Variants in VWCE observed in about 807,000 individuals in gnomAD.
VWCE encodes the protein von Willebrand factor C and EGF domain-containing protein.
Under a neutral mutation model 102.9 loss-of-function variants are expected in VWCE, and 68 were observed. The ratio of observed to expected loss-of-function variants is 0.66; its 90% confidence interval spans 0.54 to 0.81. VWCE has a LOEUF of 0.81. VWCE is among the 30% of genes least tolerant of loss of function. VWCE has a pLI of 0.00. For synonymous variants in VWCE, 497 were observed against 515.4 expected, an observed-to-expected ratio of 0.96 and a Z score of 0.48; for missense variants, 1,137 against 1,263.6, an observed-to-expected ratio of 0.90 and a Z score of 1.52.
intron 18 of VWCE, 77 bp downstream of exon 18, chr11:61,264,879 C>A: frequency 6.7e-7 from 1 of 1,487,692 alleles, no homozygotes; most frequent in South Asian, 1.1e-5. Context: ...CTAAAGGGCT[C>A]CATGTTTTGC....
In VWCE at chr11:61,294,854, C is replaced by T. The variant is rs1415292000; in HGVS notation, c.110+74G>A. 4 of 1,085,156 alleles carry T rather than the reference C, an allele frequency of 3.7e-6. No homozygotes were observed. The highest frequency in any genetic ancestry group is 6.5e-5 in the East Asian group (2 of 30,842). The allele number at this position is 1,085,156 out of a possible 1,614,324, so 67.2% of individuals were successfully genotyped here. Reference sequence around the variant, plus strand: ...CGGCTGCCTGCGGCTCCTGAGCGCCCCTCCGCGCCTCTCGACTGCACGCCG... The same window carrying T: ...CGGCTGCCTGCGGCTCCTGAGCGCCTCTCCGCGCCTCTCGACTGCACGCCG... On this transcript the variant is annotated intron_variant, in intron 1 of 19. Coordinates refer to ENST00000335613, the MANE Select transcript of VWCE (RefSeq NM_152718.2). The surrounding 1 kb of genome is among the most constrained non-coding windows in gnomAD (Gnocchi z 6.3).
chr11:61,276,692 GC>G lies in VWCE; in HGVS notation c.1408-13del. ...GACACGTTTCCAGCCTGAGGAGGAG[GC>G]AAGAGAGGGCACTGGGGGTGCGGGT... On this transcript the variant is annotated splice_polypyrimidine_tract_variant and intron_variant, in intron 10 of 19. Transcript: ENST00000335613. 2 of 1,588,070 alleles carry G rather than the reference GC, an allele frequency of 1.3e-6. No individual in the cohort carries two copies. Among genetic ancestry groups the G allele is most frequent in the Non-Finnish European group, 1.7e-6 (2 of 1,167,630 alleles).
rs746328649 is a variant in VWCE, at chr11:61,274,635, TAAAG to T, written c.1496-55_1496-52del. 2.1e-5 allele frequency: 33 copies of T among 1,573,488 alleles called. No individual in the cohort carries two copies. The East Asian group carries it at 7.4e-4, about 35-fold the overall frequency. On this transcript the variant is annotated intron_variant, in intron 11 of 19. Transcript: ENST00000335613. Reference sequence around the variant, plus strand: ...CTCAAGGTCTTTGGGCAGAGGCAGCTAAAGAAAGGGGGGAACAAATGGGTAGGGA... The same window carrying T: ...CTCAAGGTCTTTGGGCAGAGGCAGCTAAAGGGGGGAACAAATGGGTAGGGA...
At chr11:61,286,123 T>C (rs574641840) in intron 5 of VWCE, 191 bp downstream of exon 5, 2 of 652,096 alleles carry the variant, frequency 3.1e-6, no homozygotes, top group East Asian at 2.6e-5. Context: ...ACTAACGACT[T>C]GGCCTTGGGC....
intron 5 of VWCE, among the ~76,000 whole-genome samples, chr11:61,284,445 A>G (rs1855246583): frequency 6.6e-6 from 1 of 152,148 alleles, no homozygotes; most frequent in Non-Finnish European, 1.5e-5. Context: ...CGTACACATC[A>G]TGGGGAGGGG....
At chr11:61,282,542 A>G in intron 6 of VWCE, 1 of 448,696 alleles carries the variant, frequency 2.2e-6, no homozygotes. Flanking sequence ...TGTATCTGGG[A>G]GAGGAGCGGA....
At chr11:61,277,145 CAAGA>C (rs1227690872) in intron 10 of VWCE, among the ~76,000 whole-genome samples, 1 of 100,820 alleles carries the variant, frequency 9.9e-6, no homozygotes, top group East Asian at 2.9e-4. Context: ...AAGAAAGAAA[CAAGA>C]AAGAAAAAGA....
intron 10 of VWCE, 58 bp from the exon 11 acceptor site, chr11:61,276,738 C>T: frequency 1.4e-6 from 2 of 1,397,106 alleles, no homozygotes; most frequent in Non-Finnish European, 1.9e-6. Context: ...GGTTCATTCC[C>T]CATCTCACAG....
rs752152480 is a variant in VWCE, at chr11:61,280,859, G to A, written c.1164C>T (p.His388=). The change falls in exon 8 of 20, where the codon CAC becomes CAT. Residue 388 remains histidine, a synonymous_variant. Transcript: ENST00000335613. ...TCCTTGATTCATGCATGGCTCCCAG[G>A]TGCCAGCAGGGAGAGGGCCCTGCTG... ...RLAAGPSPCW[H]LGAMHESRSR... The A allele has an allele frequency of 6.5e-7, 1 of 1,540,298 alleles. No homozygotes were observed. Among genetic ancestry groups the A allele is most frequent in the Non-Finnish European group, 8.7e-7 (1 of 1,144,806 alleles).
chr11:61,290,720 G>A, intron 4 of VWCE, 79 bp downstream of exon 4: 1 of 1,500,560 alleles, frequency 6.7e-7, no homozygotes. Context: ...ATACACTGGA[G>A]ACCATCCTGG....
At chr11:61,274,416 A>C in intron 12 of VWCE, 83 bp downstream of exon 12, 1 of 1,312,118 alleles carries the variant, frequency 7.6e-7, no homozygotes, top group Non-Finnish European at 1.1e-6. Flanking sequence ...ATGTTCTCCT[A>C]GTCATGTCAA....
rs920951215 is a variant in VWCE, at chr11:61,295,300, G to T, written c.-263C>A. 4 of 325,292 alleles carry T rather than the reference G, an allele frequency of 1.2e-5. No homozygotes were observed. The highest frequency in any genetic ancestry group is 9.8e-5 in the Admixed American group (2 of 20,316). The allele number at this position is 325,292 out of a possible 1,614,324, so 20.2% of individuals were successfully genotyped here. ...AAGGCAACGCCGCCCGCCTGCTGAT[G>T]CCTCTCCGAGAGGCGCGGAGCCCGG... On this transcript the variant is annotated 5_prime_UTR_variant, in exon 1 of 20. Transcript: ENST00000335613. The surrounding 1 kb of genome is among the most constrained non-coding windows in gnomAD (Gnocchi z 4.6).
intron 4 of VWCE, among the ~76,000 whole-genome samples, chr11:61,288,028 C>T (rs538391225): frequency 5.4e-4 from 82 of 151,800 alleles, no homozygotes; most frequent in Non-Finnish European, 8.7e-4. Flanking sequence ...CATGCTGGCA[C>T]GTGCCTGTAA....
intron 13 of VWCE, among the ~76,000 whole-genome samples, chr11:61,272,015 C>A (rs184608000): frequency 6.6e-6 from 1 of 152,264 alleles, no homozygotes; most frequent in East Asian, 1.9e-4. Context: ...CATACACATA[C>A]CGATACAAAT....
At chr11:61,263,760 G>C (rs7113586) in intron 19 of VWCE, among the ~76,000 whole-genome samples, 14,187 of 152,160 alleles carry the variant, frequency 0.093, 2,042 homozygotes, top group African/African-American at 0.31. Flanking sequence ...CCTGGCACAG[G>C]AGGATGACAA....
rs545600035 is a variant in VWCE at position 61,288,106 on chromosome 11, G to A, written c.425-1676C>T. ...AGGAAGTCAGAGGTTGCAGTGAGCC[G>A]AGATCGCACCACTGCACTCCAGCCT... On this transcript the variant is annotated intron_variant, in intron 4 of 19. Coordinates refer to ENST00000335613, the MANE Select transcript of VWCE (RefSeq NM_152718.2). Among the ~76,000 whole-genome samples, 4 of 137,850 alleles carry A rather than the reference G, an allele frequency of 2.9e-5. No individual in the cohort carries two copies. In the East Asian group the frequency reaches 6.2e-4, roughly 21 times the overall value. The allele number at this position is 137,850 out of a possible 152,430, so 90.4% of individuals were successfully genotyped here. A position where few individuals can be genotyped will look rare whatever the true frequency, so the allele number is the denominator to read the frequency against.
Position 61,294,859 on chromosome 11 carries a change from G to T in VWCE, c.110+69C>A. The T allele has an allele frequency of 8.8e-7, 1 of 1,130,168 alleles. No individual in the cohort carries two copies. The highest frequency in any genetic ancestry group is 1.1e-6 in the Non-Finnish European group (1 of 874,716). The allele number at this position is 1,130,168 out of a possible 1,614,324, so 70.0% of individuals were successfully genotyped here. ...GCCTGCGGCTCCTGAGCGCCCCTCC[G>T]CGCCTCTCGACTGCACGCCGGTAGC... is the stretch of plus-strand genomic sequence containing the variant. On this transcript the variant is annotated intron_variant, in intron 1 of 19. Coordinates refer to ENST00000335613, the MANE Select transcript of VWCE (RefSeq NM_152718.2). This position sits in a 1 kb window ranked among gnomAD's most constrained non-coding sequence, Gnocchi z 6.3.
intron 1 of VWCE, among the ~76,000 whole-genome samples, chr11:61,292,389 G>T (rs1168127316): frequency 6.6e-6 from 1 of 152,156 alleles, no homozygotes; most frequent in African/African-American, 2.4e-5. Flanking sequence ...TGTGACATTA[G>T]ATTTTAATTT....
chr11:61,295,132 G>C lies in VWCE; in HGVS notation c.-95C>G, dbSNP rs1855635904. On this transcript the variant is annotated 5_prime_UTR_variant, in exon 1 of 20. Transcript: ENST00000335613. This position sits in a 1 kb window ranked among gnomAD's most constrained non-coding sequence, Gnocchi z 4.6. ...CCCTCGCCCCTCCTCCTGGCGCCGT[G>C]GGGAGCGAACCAGCGATCCCCGAAA... 4 of 758,872 alleles carry C rather than the reference G, an allele frequency of 5.3e-6. No homozygotes were observed. In the South Asian group the frequency reaches 1.7e-4, roughly 32 times the overall value. 47.0% of individuals were successfully genotyped at this position (758,872 alleles called of 1,614,324 possible).
Sources: gnomAD v4.1 joint callset for allele counts (sites outside exome capture counted in the v4.1 genomes callset) on GRCh38, gnomAD v4.1.1 for gene constraint, Gnocchi (gnomAD v3.1) non-coding constraint, MANE v1.5 for transcripts, NCBI Gene and HGNC (gene_info 2026-07-23, HGNC 2026-07-21) for gene names.